SNX9: variants seen among roughly 807,000 people sequenced by gnomAD.
SNX9 encodes the protein sorting nexin 9.
In SNX9, 44 loss-of-function variants were observed where a neutral mutation model predicts 89.4. The ratio of observed to expected loss-of-function variants is 0.49; its 90% confidence interval spans 0.39 to 0.63. The LOEUF is 0.63. SNX9 is among the 30% of genes least tolerant of loss of function. The probability of loss-of-function intolerance (pLI) is 0.00; values close to 1 mark genes in which losing one functional copy is unlikely to be tolerated. For synonymous variants in SNX9, 236 were observed against 247.8 expected (o/e 0.95, Z 0.45); for missense variants, 578 against 736.1 (o/e 0.79, Z 2.49).
At chr6:157,830,745 G>A (rs567809506) in intron 1 of SNX9, among the ~76,000 whole-genome samples, 1 of 152,282 alleles carries the variant, frequency 6.6e-6, no homozygotes, top group African/African-American at 2.4e-5. Flanking sequence ...GTGGCTAATG[G>A]CTACTTTATA....
At chr6:157,909,835 G>T in intron 8 of SNX9, 45 bp downstream of exon 8, 1 of 1,612,040 alleles carries the variant, frequency 6.2e-7, no homozygotes, top group Non-Finnish European at 8.5e-7. Flanking sequence ...TTGGATCACT[G>T]ATTGCAGCTT....
At chr6:157,891,473 G>T (rs1479693029) in intron 4 of SNX9, among the ~76,000 whole-genome samples, 1 of 152,084 alleles carries the variant, frequency 6.6e-6, no homozygotes, top group African/African-American at 2.4e-5. Context: ...TATACATAAG[G>T]CAAATCTGAT....
chr6:157,835,134 T>C (rs1215878602), intron 1 of SNX9, among the ~76,000 whole-genome samples: 1 of 152,092 alleles, frequency 6.6e-6, no homozygotes, highest in Non-Finnish European at 1.5e-5. Context: ...TGCCTCAGCC[T>C]CCCAGGCAAC....
chr6:157,838,170 G>T (rs1282908834), intron 1 of SNX9, among the ~76,000 whole-genome samples: 1 of 151,828 alleles, frequency 6.6e-6, no homozygotes, highest in South Asian at 2.1e-4. Context: ...GCATCACCAT[G>T]CCTGGCTAAT....
Position 157,823,309 on chromosome 6 carries a change from C to T in SNX9, c.-126C>T. The T allele has an allele frequency of 3.7e-6, 3 of 811,124 alleles. No homozygotes were observed. The highest frequency in any genetic ancestry group is 5.4e-5 in the East Asian group (1 of 18,394). 50.2% of individuals were successfully genotyped at this position (811,124 alleles called of 1,614,324 possible). A position where few individuals can be genotyped will look rare whatever the true frequency, so the allele number is the denominator to read the frequency against. On this transcript the variant is annotated 5_prime_UTR_variant, in exon 1 of 18. Transcript: ENST00000392185. This position sits in a 1 kb window ranked among gnomAD's most constrained non-coding sequence, Gnocchi z 4.6. ...GAGACTCGGGGCCGAGGCGGAGGAG[C>T]GGCCGCCGCGCCGGGGCCCAGCCGG...
At position 157,823,438 on chromosome 6, in the gene SNX9, G is replaced by A. The variant is rs1228757397; in HGVS notation, c.4G>A (p.Ala2Thr). Residue 2 changes from alanine (A) to threonine (T), a missense_variant, in exon 1 of 18, where the codon GCC (alanine) becomes ACC (threonine). By Grantham distance (58) the Ala-to-Thr change is moderately conservative. Transcript: ENST00000392185. This position sits in a 1 kb window ranked among gnomAD's most constrained non-coding sequence, Gnocchi z 4.6. The part of the protein sequence containing the change: M[A>T]TKARVMYDFA... ...CGGGCCGGGGGACCCGCCCGCCATGGCCACCAAGGTGAGGGGCGCGCGGCG... is the reference window on the plus strand; with the variant it reads ...CGGGCCGGGGGACCCGCCCGCCATGACCACCAAGGTGAGGGGCGCGCGGCG... 2.9e-5 allele frequency: 36 copies of A among 1,240,206 alleles called. No homozygotes were observed. The highest frequency in any genetic ancestry group is 3.4e-5 in the Non-Finnish European group (34 of 993,702). The allele number at this position is 1,240,206 out of a possible 1,614,324, so 76.8% of individuals were successfully genotyped here. A position where few individuals can be genotyped will look rare whatever the true frequency, so the allele number is the denominator to read the frequency against.
chr6:157,910,054 T>C, intron 9 of SNX9, 29 bp downstream of exon 9: 1 of 1,543,126 alleles, frequency 6.5e-7, no homozygotes, highest in Admixed American at 1.7e-5. Context: ...AAACCCAGGA[T>C]GACAAATAGA....
At chr6:157,937,614 T>C in intron 15 of SNX9, 91 bp downstream of exon 15, 1 of 894,244 alleles carries the variant, frequency 1.1e-6, no homozygotes, top group Non-Finnish European at 1.8e-6. Flanking sequence ...ATGTTTATTA[T>C]TAAAAAAGAA....
chr6:157,881,294 C>T (rs758302622), intron 4 of SNX9, among the ~76,000 whole-genome samples: 6 of 152,098 alleles, frequency 3.9e-5, no homozygotes, highest in Non-Finnish European at 5.9e-5. Context: ...ACCACAATGG[C>T]GAGCTTAATT....
In SNX9 at chr6:157,921,669, A is replaced by T. The variant is rs759537746; in HGVS notation, c.1080+8A>T. 9.9e-6 allele frequency: 16 copies of T among 1,612,650 alleles called. No individual in the cohort carries two copies. The highest frequency in any genetic ancestry group is 1.3e-5 in the Non-Finnish European group (15 of 1,178,966). On this transcript the variant is annotated splice_region_variant and intron_variant, in intron 10 of 17. Coordinates refer to ENST00000392185, the MANE Select transcript of SNX9 (RefSeq NM_016224.5). ...AATTTCCGAGATGAGAAGGTAGGAC[A>T]TTGTGTTAATATGGCATCAGAGAAT...
chr6:157,909,693 A>T lies in SNX9; in HGVS notation c.734A>T (p.Tyr245Phe), dbSNP rs775629099. The stretch of plus-strand genomic sequence containing the variant: ...GGAGATTATGGCCCAATGTGGGTTT[A>T]TCCTACCTCTACTTTTGACTGTGTG... ...IVGDYGPMWVYPTSTFDCVVA... is the reference protein window; with the variant it reads ...IVGDYGPMWVFPTSTFDCVVA... The change falls in exon 8 of 18, where the codon TAT (tyrosine) becomes TTT (phenylalanine). Residue 245 changes from tyrosine (Y) to phenylalanine (F), a missense_variant. Physicochemically the swap from Tyr to Phe is conservative, Grantham distance 22. Around this residue, in one of 2 missense-constraint regions of SNX9, gnomAD observed 348 missense variants for 491.4 expected, o/e 0.71. Coordinates refer to ENST00000392185, the MANE Select transcript of SNX9 (RefSeq NM_016224.5). 4 of 1,614,208 alleles carry T rather than the reference A, an allele frequency of 2.5e-6. No individual in the cohort carries two copies. The Admixed American group carries it at 6.7e-5, about 27-fold the overall frequency.
chr6:157,838,175 G>A (rs928729621), intron 1 of SNX9, among the ~76,000 whole-genome samples: 1 of 151,666 alleles, frequency 6.6e-6, no homozygotes, highest in Non-Finnish European at 1.5e-5. Context: ...ACCATGCCTG[G>A]CTAATTTTTG....
At chr6:157,844,623 T>TC (rs1781769395) in intron 1 of SNX9, among the ~76,000 whole-genome samples, 2 of 145,668 alleles carry the variant, frequency 1.4e-5, no homozygotes, top group South Asian at 4.3e-4. Flanking sequence ...AGACAGAGTC[T>TC]CACTCTGTTG....
chr6:157,848,350 G>A (rs1015515154), intron 1 of SNX9, among the ~76,000 whole-genome samples: 21 of 152,126 alleles, frequency 1.4e-4, no homozygotes, highest in Admixed American at 1.4e-3. Context: ...AAAAAACTGG[G>A]CAGGCTATTA....
chr6:157,926,983 A>G, intron 10 of SNX9, 128 bp from the exon 11 acceptor site: 1 of 660,306 alleles, frequency 1.5e-6, no homozygotes, highest in South Asian at 1.8e-5. Context: ...GCAGAGGGAG[A>G]TAGAGTGGGA....
chr6:157,826,150 A>G (rs1781339776), intron 1 of SNX9, among the ~76,000 whole-genome samples: 1 of 152,152 alleles, frequency 6.6e-6, no homozygotes, highest in African/African-American at 2.4e-5. Flanking sequence ...TTACAATAAA[A>G]AAGGAAATTA....
intron 4 of SNX9, among the ~76,000 whole-genome samples, chr6:157,888,656 A>G (rs1216192836): frequency 6.6e-6 from 1 of 152,170 alleles, no homozygotes; most frequent in Admixed American, 6.5e-5. Context: ...TCTTCCATAT[A>G]TAAGGTAAAT....
intron 4 of SNX9, among the ~76,000 whole-genome samples, chr6:157,884,463 A>G (rs1387427810): frequency 6.6e-6 from 1 of 152,220 alleles, no homozygotes; most frequent in Non-Finnish European, 1.5e-5. Context: ...AAGGTTCAGT[A>G]TTAGATGTGC....
intron 1 of SNX9, among the ~76,000 whole-genome samples, chr6:157,843,386 GTATGT>G (rs201386217): frequency 0.022 from 3,402 of 152,184 alleles, 132 homozygotes; most frequent in African/African-American, 0.078. Context: ...CACATATTTT[GTATGT>G]TATATGTATT....
Sources: gnomAD v4.1 joint callset for allele counts (sites outside exome capture counted in the v4.1 genomes callset) on GRCh38, gnomAD v4.1.1 for gene constraint, gnomAD v4.1.1 regional missense constraint, Gnocchi (gnomAD v3.1) non-coding constraint, MANE v1.5 for transcripts, NCBI Gene and HGNC (gene_info 2026-07-23, HGNC 2026-07-21) for gene names.